TMPRSS11A: variants seen among roughly 807,000 people sequenced by gnomAD.
TMPRSS11A encodes the protein transmembrane serine protease 11A.
In TMPRSS11A, 53 loss-of-function variants were observed where a neutral mutation model predicts 58.9. That is an observed-to-expected ratio of 0.90 (90% CI 0.72 to 1.13). The LOEUF (loss-of-function observed/expected upper bound fraction) is 1.13, where lower values mean the gene tolerates loss of function less well. Among genes scored for constraint, TMPRSS11A ranks in the 50% most tolerant of loss-of-function variants. TMPRSS11A has a pLI of 0.00. For missense variants in TMPRSS11A, 493 were observed against 499.3 expected, an observed-to-expected ratio of 0.99 and a Z score of 0.12; for synonymous variants, 167 against 169.8, an observed-to-expected ratio of 0.98 and a Z score of 0.13.
intron 1 of TMPRSS11A, among the ~76,000 whole-genome samples, chr4:67,961,688 T>C (rs776419824): frequency 7.2e-4 from 110 of 151,940 alleles, no homozygotes; most frequent in Non-Finnish European, 2.6e-4. Flanking sequence ...AATTGTTGTA[T>C]TTTTAGTAGA....
intron 3 of TMPRSS11A, among the ~76,000 whole-genome samples, chr4:67,933,332 A>T (rs1225380812): frequency 6.6e-6 from 1 of 152,180 alleles, no homozygotes; most frequent in Non-Finnish European, 1.5e-5. Context: ...CATCACGCAG[A>T]TACTAGTAAG....
chr4:67,921,493 C>T (rs10030290), intron 7 of TMPRSS11A, among the ~76,000 whole-genome samples: 7,725 of 152,054 alleles, frequency 0.051, 218 homozygotes, highest in Middle Eastern at 0.075. Flanking sequence ...ACCACCATGC[C>T]CAATGGGGTT....
intron 3 of TMPRSS11A, among the ~76,000 whole-genome samples, chr4:67,933,752 G>C (rs749859680): frequency 2.0e-5 from 3 of 152,138 alleles, no homozygotes; most frequent in Non-Finnish European, 4.4e-5. Flanking sequence ...GTATGGAGGT[G>C]AGGGATTCCA....
intron 4 of TMPRSS11A, among the ~76,000 whole-genome samples, chr4:67,930,808 CTTTTTTTTTT>C (rs67302217): frequency 2.0e-5 from 1 of 51,162 alleles, no homozygotes; most frequent in South Asian, 9.1e-4. Flanking sequence ...GTTATCTCTC[CTTTTTTTTTT>C]TTTTTTTTTT....
intron 7 of TMPRSS11A, among the ~76,000 whole-genome samples, chr4:67,920,118 G>A (rs776082308): frequency 1.3e-5 from 2 of 152,084 alleles, no homozygotes; most frequent in South Asian, 2.1e-4. Context: ...TGGTAAATGC[G>A]GTTGACTTCT....
chr4:67,942,211 C>G (rs1184572743), intron 3 of TMPRSS11A, among the ~76,000 whole-genome samples: 1 of 152,198 alleles, frequency 6.6e-6, no homozygotes, highest in Admixed American at 6.5e-5. Flanking sequence ...ATTTAGAAAG[C>G]CAAATAATAC....
chr4:67,943,152 T>C (rs760669930), intron 3 of TMPRSS11A, among the ~76,000 whole-genome samples: 2 of 152,158 alleles, frequency 1.3e-5, no homozygotes, highest in African/African-American at 2.4e-5. Context: ...TAACTTAGCC[T>C]TAGCCTTTGA....
intron 3 of TMPRSS11A, among the ~76,000 whole-genome samples, chr4:67,942,433 G>A (rs1296476297): frequency 6.6e-6 from 1 of 152,166 alleles, no homozygotes; most frequent in African/African-American, 2.4e-5. Context: ...TATGAACCAG[G>A]AAGCAGGCTC....
intron 5 of TMPRSS11A, among the ~76,000 whole-genome samples, chr4:67,928,058 T>G (rs1328434462): frequency 1.3e-5 from 2 of 152,156 alleles, no homozygotes; most frequent in Non-Finnish European, 2.9e-5. Flanking sequence ...TTTTATTTTT[T>G]TGGAGATGGA....
At chr4:67,919,976 G>T (rs1404734968) in intron 7 of TMPRSS11A, among the ~76,000 whole-genome samples, 1 of 152,184 alleles carries the variant, frequency 6.6e-6, no homozygotes, top group African/African-American at 2.4e-5. Context: ...TTAAGCCAGA[G>T]AATAATGTAG....
intron 6 of TMPRSS11A, among the ~76,000 whole-genome samples, chr4:67,923,296 G>A (rs991838159): frequency 2.6e-5 from 4 of 152,154 alleles, no homozygotes; most frequent in African/African-American, 7.2e-5. Context: ...TCTAATTTCT[G>A]GCACTTGGTA....
intron 9 of TMPRSS11A, among the ~76,000 whole-genome samples, chr4:67,914,041 C>T (rs73825613): frequency 0.029 from 4,432 of 152,318 alleles, 212 homozygotes; most frequent in African/African-American, 0.1. Context: ...TTCTCATCCT[C>T]CTCATGCTGA....
intron 7 of TMPRSS11A, 142 bp downstream of exon 7, chr4:67,922,613 A>G: frequency 1.3e-6 from 1 of 762,110 alleles, no homozygotes; most frequent in Non-Finnish European, 2.0e-6. Context: ...ATGCAAGTGT[A>G]ACATTATTTT....
At chr4:67,929,441 G>A (rs2109747284) in intron 5 of TMPRSS11A, among the ~76,000 whole-genome samples, 1 of 152,224 alleles carries the variant, frequency 6.6e-6, no homozygotes, top group Admixed American at 6.5e-5. Context: ...TTTCCCAAAT[G>A]CCCATAGGAA....
chr4:67,920,293 C>G (rs898648207), intron 7 of TMPRSS11A, among the ~76,000 whole-genome samples: 1 of 152,032 alleles, frequency 6.6e-6, no homozygotes, highest in African/African-American at 2.4e-5. Context: ...CTGCCTGCCT[C>G]TCTCTGCTCT....
Position 67,919,146 on chromosome 4 carries a change from A to G in TMPRSS11A, c.779T>C (p.Ile260Thr). 1.2e-6 allele frequency: 2 copies of G among 1,614,198 alleles called. No homozygotes were observed. The highest frequency in any genetic ancestry group is 1.7e-6 in the Non-Finnish European group (2 of 1,180,030). The change falls in exon 8 of 10, where the codon ATC becomes ACC. Residue 260 changes from isoleucine to threonine, a missense_variant. Ile to Thr is a moderately conservative substitution (Grantham distance 89, BLOSUM62 -1). Transcript: ENST00000508048. ...LMKRNVRRFI[I>T]HEKYRSAARE... The stretch of plus-strand genomic sequence containing the variant: ...TGCTGCAGAGCGGTACTTCTCATGG[A>G]TAATAAATCTTCTGACATTTCTTTT...
rs139271148 is a variant in TMPRSS11A, at chr4:67,920,759, T to C, written c.693-1527A>G. On this transcript the variant is annotated intron_variant, in intron 7 of 9. Coordinates refer to ENST00000508048, the MANE Select transcript of TMPRSS11A (RefSeq NM_001114387.2). ...AAGCCTAGTACCCATTAGTTATTTT[T>C]CCTGATCCTCTCCCTCTAGCACTCT... Among the ~76,000 whole-genome samples the C allele has an allele frequency of 2.6e-3, 398 of 152,058 alleles. 2 individuals are homozygous for C. The highest frequency in any genetic ancestry group is 9.0e-3 in the African/African-American group (372 of 41,502).
intron 3 of TMPRSS11A, among the ~76,000 whole-genome samples, chr4:67,933,973 C>T (rs1269419401): frequency 1.3e-5 from 2 of 152,042 alleles, no homozygotes; most frequent in Admixed American, 6.6e-5. Context: ...AATCTGGCAC[C>T]GTGCCTGCTA....
chr4:67,927,789 A>G (rs1560566419), intron 5 of TMPRSS11A, among the ~76,000 whole-genome samples: 1 of 152,236 alleles, frequency 6.6e-6, no homozygotes, highest in African/African-American at 2.4e-5. Flanking sequence ...CTACTAGTCA[A>G]TCACTCAAAT....
Sources: gnomAD v4.1 joint callset for allele counts (sites outside exome capture counted in the v4.1 genomes callset) on GRCh38, gnomAD v4.1.1 for gene constraint, MANE v1.5 for transcripts, NCBI Gene and HGNC (gene_info 2026-07-23, HGNC 2026-07-21) for gene names.